CFHR5: variants seen among roughly 807,000 people sequenced by gnomAD.
The protein encoded by CFHR5 is complement factor H related 5.
A neutral mutation model predicts 62.9 loss-of-function variants in CFHR5; 73 were observed. The ratio of observed to expected loss-of-function variants is 1.16; its 90% CI spans 0.96 to 1.41. The LOEUF is 1.41. Ranked by LOEUF, CFHR5 falls within the 40% of genes most tolerant of loss-of-function variation. The pLI is 0.00. For missense variants in CFHR5, 779 were observed against 679.9 expected (o/e 1.15, Z -1.62); for synonymous variants, 249 against 227.2 (o/e 1.10, Z -0.86).
At chr1:197,004,097 C>T (rs942934137) in intron 8 of CFHR5, among the ~76,000 whole-genome samples, 3 of 152,088 alleles carry the variant, frequency 2.0e-5, no homozygotes, top group African/African-American at 7.2e-5. Flanking sequence ...TACAATTGAA[C>T]GTATTCCAGC....
intron 9 of CFHR5, among the ~76,000 whole-genome samples, chr1:197,005,739 C>G (rs988628869): frequency 1.3e-5 from 2 of 151,968 alleles, no homozygotes; most frequent in Non-Finnish European, 2.9e-5. Flanking sequence ...TCACTGTTGC[C>G]CAATACCTCA....
chr1:196,992,533 C>CGCT (rs1456807399), intron 3 of CFHR5, among the ~76,000 whole-genome samples: 1 of 152,152 alleles, frequency 6.6e-6, no homozygotes, highest in Non-Finnish European at 1.5e-5. Context: ...GGACTGCACC[C>CGCT]GCTGTCCAAC....
In CFHR5 at chr1:196,984,070, A is replaced by G; in HGVS notation, c.363A>G (p.Gln121=). The G allele has an allele frequency of 6.2e-7, 1 of 1,613,866 alleles. No homozygotes were observed. The highest frequency in any genetic ancestry group is 8.5e-7 in the Non-Finnish European group (1 of 1,179,844). ...QIICNTGYSL[Q]NNEKNISCVE... is the part of the protein sequence containing the mutation. ...TTTGCAACACAGGATACAGCCTTCA[A>G]AACAATGAGAAAAACATTTCGTGTG... The change falls in exon 3 of 10, where the codon CAA becomes CAG. Residue 121 remains glutamine, a synonymous_variant. Transcript: ENST00000256785.
chr1:196,982,336 T>C (rs1460808233), intron 1 of CFHR5, among the ~76,000 whole-genome samples: 1 of 152,178 alleles, frequency 6.6e-6, no homozygotes, highest in Non-Finnish European at 1.5e-5. Flanking sequence ...GAAGAGTTCA[T>C]ATTTCATATC....
intron 3 of CFHR5, 131 bp from the exon 4 acceptor site, chr1:196,993,949 T>C: frequency 2.8e-6 from 2 of 717,682 alleles, no homozygotes; most frequent in Non-Finnish European, 4.7e-6. Flanking sequence ...TTAGTCTATA[T>C]GTTTTCTCGA....
Position 197,008,482 on chromosome 1 carries a change from T to G in CFHR5, c.1514-5T>G. ...TTTATTTTATTTTACCATTTCTTCT[T>G]TCAGATCCATGTGTGGTATCTGAAG... is the stretch of plus-strand genomic sequence containing the variant. On this transcript the variant is annotated splice_region_variant and splice_polypyrimidine_tract_variant and intron_variant, in intron 9 of 9. Coordinates refer to ENST00000256785, the MANE Select transcript of CFHR5 (RefSeq NM_030787.4). 5 of 1,551,438 alleles carry G rather than the reference T, an allele frequency of 3.2e-6. No individual in the cohort carries two copies. Among genetic ancestry groups the G allele is most frequent in the Non-Finnish European group, 4.4e-6 (5 of 1,135,912 alleles).
intron 7 of CFHR5, among the ~76,000 whole-genome samples, chr1:196,999,734 CATATATAT>C (rs1175678879): frequency 2.2e-4 from 9 of 41,164 alleles, no homozygotes; most frequent in East Asian, 1.2e-3. Flanking sequence ...CACACACACA[CATATATAT>C]ACACACACAT....
intron 7 of CFHR5, 35 bp from the exon 8 acceptor site, chr1:197,002,447 T>C (rs1218287313): frequency 1.3e-6 from 2 of 1,554,126 alleles, no homozygotes; most frequent in African/African-American, 2.8e-5. Context: ...ACTTAACTTT[T>C]ATTAATCATA....
At position 196,987,089 on chromosome 1, in the gene CFHR5, T is replaced by A. The variant is rs554221917; in HGVS notation, c.430+2952T>A. Among the ~76,000 whole-genome samples the A allele has an allele frequency of 4.6e-5, 7 of 152,324 alleles. No homozygotes were observed. In the South Asian group the frequency reaches 1.4e-3, roughly 32 times the overall value. ...ACTGGTGTGAGATGGTATCTCATTGTGGTTTTGATTTGCATTTCTCTGATG... is the reference window on the plus strand; with the variant it reads ...ACTGGTGTGAGATGGTATCTCATTGAGGTTTTGATTTGCATTTCTCTGATG... On this transcript the variant is annotated intron_variant, in intron 3 of 9. Coordinates refer to ENST00000256785, the MANE Select transcript of CFHR5 (RefSeq NM_030787.4).
chr1:196,995,692 ATTATTTATGGTTTCT>A lies in CFHR5; in HGVS notation c.608-20_608-6del. ...TCTATACTTATAAGACCATTTAAGC[ATTATTTATGGTTTCT>A]TTATAATAGGACAAGTACGATCATG... On this transcript the variant is annotated splice_polypyrimidine_tract_variant and intron_variant, in intron 4 of 9. Coordinates refer to ENST00000256785, the MANE Select transcript of CFHR5 (RefSeq NM_030787.4). 6.3e-7 allele frequency: 1 copy of A among 1,590,782 alleles called. No homozygotes were observed. The highest frequency in any genetic ancestry group is 8.6e-7 in the Non-Finnish European group (1 of 1,159,160).
rs143599784 is a variant in CFHR5, at chr1:197,008,637, G to A, written c.1664G>A (p.Arg555Gln). The A allele has an allele frequency of 1.9e-6, 3 of 1,613,778 alleles. No homozygotes were observed. The highest frequency in any genetic ancestry group is 2.5e-6 in the Non-Finnish European group (3 of 1,179,864). The change falls in exon 10 of 10, where the codon CGA (arginine) becomes CAA (glutamine). Residue 555 changes from arginine (R) to glutamine (Q), a missense_variant. Arg to Gln is a conservative substitution (Grantham distance 43, BLOSUM62 1). Coordinates refer to ENST00000256785, the MANE Select transcript of CFHR5 (RefSeq NM_030787.4). The stretch of plus-strand genomic sequence containing the variant: ...GCGATGATATCATCACCACCATTTC[G>A]AGCAATCTGTCAGGAAGGGAAATTT... ...HKAMISSPPF[R>Q]AICQEGKFEY...
At chr1:196,996,518 A>G (rs572870244) in intron 6 of CFHR5, among the ~76,000 whole-genome samples, 3 of 152,274 alleles carry the variant, frequency 2.0e-5, no homozygotes, top group African/African-American at 7.2e-5. Context: ...AATTGCATAC[A>G]TTATTTTTGT....
chr1:197,005,406 A>G (rs1654260858), intron 9 of CFHR5, among the ~76,000 whole-genome samples: 1 of 152,094 alleles, frequency 6.6e-6, no homozygotes, highest in Non-Finnish European at 1.5e-5. Flanking sequence ...TTCTACTACA[A>G]AATAATGCCA....
chr1:196,999,032 CA>C (rs1292518944), intron 7 of CFHR5, among the ~76,000 whole-genome samples: 1 of 151,808 alleles, frequency 6.6e-6, no homozygotes, highest in Non-Finnish European at 1.5e-5. Flanking sequence ...CTAATGATTC[CA>C]AAATAAAGAA....
upstream of CFHR5, among the ~76,000 whole-genome samples, chr1:196,977,254 C>G (rs1254729613): frequency 1.3e-5 from 2 of 150,744 alleles, no homozygotes; most frequent in East Asian, 3.9e-4. Flanking sequence ...TGATGACTTG[C>G]ACTTGCTTGC....
rs751805375 is a variant in CFHR5 at position 196,984,002 on chromosome 1, T to C, written c.295T>C (p.Ser99Pro). The C allele has an allele frequency of 6.2e-7, 1 of 1,612,490 alleles. No individual in the cohort carries two copies. The highest frequency in any genetic ancestry group is 8.5e-7 in the Non-Finnish European group (1 of 1,178,954). Residue 99 changes from serine (S) to proline (P), a missense_variant, in exon 3 of 10, where the codon TCT becomes CCT. Ser to Pro is a moderately conservative substitution (Grantham distance 74). Coordinates refer to ENST00000256785, the MANE Select transcript of CFHR5 (RefSeq NM_030787.4). ...TTTTGTGAAAAATGGTCATTCTGAATCTTCAGGACTAATACATCTGGAAGG... is the reference window on the plus strand; with the variant it reads ...TTTTGTGAAAAATGGTCATTCTGAACCTTCAGGACTAATACATCTGGAAGG... ...FPFVKNGHSE[S>P]SGLIHLEGDT...
Position 196,982,981 on chromosome 1 carries a change from A to G in CFHR5, c.155A>G (p.Tyr52Cys), listed in dbSNP as rs988214821. 1 of 1,613,962 alleles carries G rather than the reference A, an allele frequency of 6.2e-7. No individual in the cohort carries two copies. The highest frequency in any genetic ancestry group is 1.3e-5 in the African/African-American group (1 of 74,910). ...FSQVPTGEVF[Y>C]YSCEYNFVSP... is the part of the protein sequence containing the mutation. Reference sequence around the variant, plus strand: ...CAAGTTCCTACAGGGGAAGTTTTCTATTACTCCTGTGAATATAATTTTGTG... The same window carrying G: ...CAAGTTCCTACAGGGGAAGTTTTCTGTTACTCCTGTGAATATAATTTTGTG... Residue 52 changes from tyrosine (Y) to cysteine (C), a missense_variant, in exon 2 of 10, where the codon TAT becomes TGT. Physicochemically the swap from Tyr to Cys is radical, Grantham distance 194 (BLOSUM62 -2). Transcript: ENST00000256785.
Position 196,992,474 on chromosome 1 carries a change from G to C in CFHR5, c.431-1606G>C, listed in dbSNP as rs112045531. ...GGAAAGGAAAATCCCCCAACCCCTT[G>C]CACTTCCCAGGGAGGCAATGCCCTG... On this transcript the variant is annotated intron_variant, in intron 3 of 9. Transcript: ENST00000256785. Among the ~76,000 whole-genome samples, 964 of 152,234 alleles carry C rather than the reference G, an allele frequency of 6.3e-3. 11 individuals carry two copies. Among genetic ancestry groups the C allele is most frequent in the African/African-American group, 0.022 (907 of 41,528 alleles).
chr1:197,004,939 TTCAG>T, intron 9 of CFHR5, 96 bp downstream of exon 9: 1 of 986,098 alleles, frequency 1.0e-6, no homozygotes, highest in Non-Finnish European at 1.6e-6. Flanking sequence ...TTAAGTTTCA[TTCAG>T]TCAAAATCTT....
Sources: allele counts gnomAD v4.1 joint callset (sites outside exome capture counted in the v4.1 genomes callset), GRCh38; gene constraint gnomAD v4.1.1; transcripts MANE v1.5; gene names NCBI Gene and HGNC (gene_info 2026-07-23, HGNC 2026-07-21).